The following ANK3 variants were observed in gnomAD, a reference collection of about 807,000 sequenced individuals.
The protein encoded by ANK3 is ankyrin-3.
ANK3 carries 57 observed loss-of-function variants against 370.9 expected under a neutral mutation model. The observed-to-expected ratio is 0.15, with a 90% CI of 0.12 to 0.19. The LOEUF (loss-of-function observed/expected upper bound fraction) is 0.19, where lower values mean the gene tolerates loss of function less well. ANK3 is among the 10% of genes least tolerant of loss of function. The pLI is 1.00. For missense variants in ANK3, 4,439 were observed against 5,302.1 expected (o/e 0.84, Z 5.06); for synonymous variants, 1,929 against 1,946.3 (o/e 0.99, Z 0.23).
chr10:60,428,532 T>C (rs1356939203), intron 2 of ANK3, among the ~76,000 whole-genome samples: 2 of 152,320 alleles, frequency 1.3e-5, no homozygotes, highest in Non-Finnish European at 1.5e-5. Flanking sequence ...ATGACATCGT[T>C]CCCAGAGGAG....
At chr10:60,095,704 A>G (rs1238008135) in intron 28 of ANK3, among the ~76,000 whole-genome samples, 1 of 152,216 alleles carries the variant, frequency 6.6e-6, no homozygotes, top group Non-Finnish European at 1.5e-5. Flanking sequence ...TATTAAAAAA[A>G]ATGCATGTGA....
intron 1 of ANK3, among the ~76,000 whole-genome samples, chr10:60,660,911 T>TACACACACAC (rs779739373): frequency 1.6e-4 from 23 of 148,240 alleles, no homozygotes; most frequent in African/African-American, 4.1e-4. Context: ...GAGTTTTAAA[T>TACACACACAC]ACACACTCAC....
At chr10:60,733,112 C>T in intron 1 of ANK3, 2 of 570,230 alleles carry the variant, frequency 3.5e-6, no homozygotes, top group Non-Finnish European at 5.2e-6. Context: ...GGGTCCCCTC[C>T]ACTCGCCCTC....
chr10:60,235,550 GTTTTTTTTTTTTT>G (rs72388493), intron 7 of ANK3, among the ~76,000 whole-genome samples: 1 of 115,052 alleles, frequency 8.7e-6, no homozygotes, highest in Non-Finnish European at 1.7e-5. Flanking sequence ...CTGATTTCTT[GTTTTTTTTTTTTT>G]TTTTTTTTTT....
At chr10:60,404,222 T>TA (rs1471738653) in intron 2 of ANK3, among the ~76,000 whole-genome samples, 12 of 152,118 alleles carry the variant, frequency 7.9e-5, no homozygotes, top group South Asian at 2.1e-4. Flanking sequence ...AGTTTTTTTT[T>TA]AAAAAAATAG....
chr10:60,060,226 G>A, intron 40 of ANK3: 2 of 367,342 alleles, frequency 5.4e-6, no homozygotes, highest in Non-Finnish European at 4.9e-6. Context: ...GATATCAATT[G>A]TTTCTGTTTT....
At chr10:60,272,970 T>A (rs2098024091) in intron 4 of ANK3, among the ~76,000 whole-genome samples, 3 of 152,196 alleles carry the variant, frequency 2.0e-5, no homozygotes, top group Admixed American at 6.5e-5. Flanking sequence ...TCTCACAGTT[T>A]CCTTCCAGAA....
intron 38 of ANK3, among the ~76,000 whole-genome samples, chr10:60,065,876 C>T (rs1218296151): frequency 6.6e-6 from 1 of 152,114 alleles, no homozygotes; most frequent in East Asian, 1.9e-4. Flanking sequence ...TCATAAGGTA[C>T]ATCTATTGGA....
At chr10:60,733,419 C>T in exon 1 of ANK3, 1 of 1,091,182 alleles carries the variant, frequency 9.2e-7, no homozygotes, top group Non-Finnish European at 1.2e-6. Flanking sequence ...GGAAAAAGTT[C>T]GGCCGCGGCT....
intron 2 of ANK3, among the ~76,000 whole-genome samples, chr10:60,477,554 CACACA>C: frequency 6.8e-6 from 1 of 147,174 alleles, no homozygotes; most frequent in South Asian, 2.2e-4. Flanking sequence ...CACACACACA[CACACA>C]CCAGGTAGCA....
chr10:60,074,870 G>A lies in ANK3; in HGVS notation c.6011C>T (p.Ala2004Val), dbSNP rs76855192. Residue 2004 changes from alanine to valine, a missense_variant, in exon 37 of 44, where the codon GCT becomes GTT. By Grantham distance (64) the Ala-to-Val change is moderately conservative (BLOSUM62 0). Transcript: ENST00000280772. The part of the protein sequence containing the change: ...SEEIREARQQ[A>V]AASQSPSLPE... Reference sequence around the variant, plus strand: ...CAGAGATGGAGACTGGCTCGCAGCAGCTTGTTGTCTGGCTTCCCGGATTTC... The same window carrying A: ...CAGAGATGGAGACTGGCTCGCAGCAACTTGTTGTCTGGCTTCCCGGATTTC... 1,531 of 1,613,778 alleles carry A rather than the reference G, an allele frequency of 9.5e-4. 8 individuals carry two copies. The African/African-American group carries it at 0.019, about 20-fold the overall frequency.
chr10:60,148,849 A>T (rs1435931965), intron 23 of ANK3, among the ~76,000 whole-genome samples: 1 of 152,214 alleles, frequency 6.6e-6, no homozygotes, highest in Non-Finnish European at 1.5e-5. Context: ...GCTAAATTCA[A>T]GGTGGCAGTA....
chr10:60,547,089 CT>C (rs5785455), intron 2 of ANK3, among the ~76,000 whole-genome samples: 9,375 of 120,578 alleles, frequency 0.078, 235 homozygotes, highest in South Asian at 0.16. Context: ...CAATGCAACT[CT>C]TTTTTTTTTT....
intron 2 of ANK3, among the ~76,000 whole-genome samples, chr10:60,426,201 C>A (rs1242366843): frequency 1.3e-5 from 2 of 152,054 alleles, no homozygotes; most frequent in East Asian, 3.9e-4. Flanking sequence ...ATTCCTGCTT[C>A]CAGTTTGGCC....
chr10:60,625,575 T>A (rs576170388), intron 1 of ANK3, among the ~76,000 whole-genome samples: 1 of 152,300 alleles, frequency 6.6e-6, no homozygotes, highest in Admixed American at 6.5e-5. Context: ...ATTTATGTGT[T>A]AAGGAGCCAC....
chr10:60,677,136 C>T (rs2133386894), intron 1 of ANK3, among the ~76,000 whole-genome samples: 1 of 152,236 alleles, frequency 6.6e-6, no homozygotes, highest in South Asian at 2.1e-4. Context: ...ACCAGGTGCC[C>T]TTAAGTGGAA....
chr10:60,357,390 A>G (rs979291061), intron 1 of ANK3, among the ~76,000 whole-genome samples: 7 of 152,002 alleles, frequency 4.6e-5, no homozygotes, highest in African/African-American at 1.4e-4. Flanking sequence ...GACTCCGCCT[A>G]TCCATCACCT....
chr10:60,157,147 C>A (rs1245438588), intron 23 of ANK3, among the ~76,000 whole-genome samples: 3 of 150,054 alleles, frequency 2.0e-5, no homozygotes, highest in African/African-American at 7.4e-5. Context: ...AAGCCATTCT[C>A]CTGCCTCAGC....
chr10:60,639,732 A>C (rs184933799), intron 1 of ANK3, among the ~76,000 whole-genome samples: 130 of 152,136 alleles, frequency 8.5e-4, no homozygotes, highest in African/African-American at 2.8e-3. Flanking sequence ...TATTTCTAAT[A>C]AGCTAATAAA....
Sources: gnomAD v4.1 joint callset for allele counts (sites outside exome capture counted in the v4.1 genomes callset) on GRCh38, gnomAD v4.1.1 for gene constraint, MANE v1.5 for transcripts, NCBI Gene and HGNC (gene_info 2026-07-23, HGNC 2026-07-21) for gene names.